Variants in MAGI1 observed in about 807,000 individuals in gnomAD.
The protein encoded by MAGI1 is membrane associated guanylate kinase, WW and PDZ domain containing 1.
Under a neutral mutation model 139.9 loss-of-function variants are expected in MAGI1, and 58 were observed. The observed-to-expected ratio is 0.41, with a 90% CI of 0.34 to 0.52. The LOEUF (loss-of-function observed/expected upper bound fraction) is 0.52, where lower values mean the gene tolerates loss of function less well. Ranked by LOEUF, MAGI1 falls within the 20% of genes least tolerant of loss-of-function variation. The pLI is 0.12. For synonymous variants in MAGI1, 812 were observed against 737.9 expected (o/e 1.10, Z -1.63); for missense variants, 1,874 against 1,901.6 (o/e 0.99, Z 0.27).
chr3:65,787,624 G>A (rs1016413485), intron 1 of MAGI1, among the ~76,000 whole-genome samples: 9 of 150,730 alleles, frequency 6.0e-5, no homozygotes, highest in Admixed American at 4.0e-4. Context: ...GGACTGCACC[G>A]CCTGGTAGGC....
At chr3:65,863,838 T>C (rs1026448785) in intron 1 of MAGI1, among the ~76,000 whole-genome samples, 2 of 152,188 alleles carry the variant, frequency 1.3e-5, no homozygotes, top group African/African-American at 4.8e-5. Flanking sequence ...CCTCTTTTCC[T>C]ACCCCAATTC....
intron 1 of MAGI1, among the ~76,000 whole-genome samples, chr3:66,028,066 A>C (rs531515633): frequency 1.2e-4 from 18 of 152,306 alleles, no homozygotes; most frequent in Non-Finnish European, 2.4e-4. Context: ...GCACTTTGGG[A>C]GGCCAAGGCA....
In MAGI1 at chr3:65,566,656, A is replaced by C. The variant is rs17073114; in HGVS notation, c.430+55316T>G. 7.7e-3 allele frequency among the ~76,000 whole-genome samples: 1,167 copies of C among 152,264 alleles called. 13 individuals carry two copies. Among genetic ancestry groups the C allele is most frequent in the African/African-American group, 0.026 (1,092 of 41,544 alleles). Reference sequence around the variant, plus strand: ...TTTGTTTGTTTGTTTTGGAATGTGGATCATATAATTGTGTCCAAGAGTTTA... The same window carrying C: ...TTTGTTTGTTTGTTTTGGAATGTGGCTCATATAATTGTGTCCAAGAGTTTA... On this transcript the variant is annotated intron_variant, in intron 2 of 22. Coordinates refer to ENST00000402939, the MANE Select transcript of MAGI1 (RefSeq NM_001033057.2).
rs147733022 is a variant in MAGI1 at position 65,467,012 on chromosome 3, T to C, written c.959+3271A>G. The stretch of plus-strand genomic sequence containing the variant: ...GAGCACGCTTTTATCAGGGCTTTAT[T>C]TGCCTCTATCTGTAGGCATTTCTGG... On this transcript the variant is annotated intron_variant, in intron 5 of 22. Transcript: ENST00000402939. Among the ~76,000 whole-genome samples the C allele has an allele frequency of 7.5e-3, 1,140 of 152,360 alleles. 17 individuals are homozygous for C. The highest frequency in any genetic ancestry group is 0.026 in the African/African-American group (1,082 of 41,588).
intron 10 of MAGI1, 63 bp downstream of exon 10, chr3:65,437,092 A>T: frequency 8.5e-7 from 1 of 1,174,470 alleles, no homozygotes; most frequent in Non-Finnish European, 1.2e-6. Flanking sequence ...TTTTCAAAAT[A>T]CCTTAAAAAA....
intron 1 of MAGI1, among the ~76,000 whole-genome samples, chr3:65,706,682 T>A (rs1238939176): frequency 6.6e-6 from 1 of 151,682 alleles, no homozygotes; most frequent in Non-Finnish European, 1.5e-5. Flanking sequence ...GGAGGGGAAA[T>A]GGAAATGCAA....
intron 1 of MAGI1, among the ~76,000 whole-genome samples, chr3:65,789,789 AC>A (rs1226370518): frequency 6.6e-6 from 1 of 151,992 alleles, no homozygotes; most frequent in African/African-American, 2.4e-5. Context: ...CTAGAAAAAA[AC>A]AAAACAAAAA....
intron 1 of MAGI1, among the ~76,000 whole-genome samples, chr3:65,969,142 C>T (rs1055918207): frequency 2.6e-5 from 4 of 152,172 alleles, no homozygotes; most frequent in African/African-American, 4.8e-5. Flanking sequence ...GTCTGGAGAA[C>T]AAGGGAAGTG....
At chr3:65,409,201 C>T (rs1945586595) in intron 12 of MAGI1, among the ~76,000 whole-genome samples, 1 of 152,170 alleles carries the variant, frequency 6.6e-6, no homozygotes, top group African/African-American at 2.4e-5. Flanking sequence ...CAGACATGGC[C>T]CCTGCCCTGG....
chr3:65,687,753 T>G (rs1418582669), intron 1 of MAGI1: 11 of 554,986 alleles, frequency 2.0e-5, no homozygotes, highest in Admixed American at 1.9e-4. Flanking sequence ...AGGATCCTTC[T>G]GAAGTTTTGA....
chr3:65,488,885 C>G (rs1266824423), intron 3 of MAGI1, among the ~76,000 whole-genome samples: 1 of 151,724 alleles, frequency 6.6e-6, no homozygotes, highest in East Asian at 2.0e-4. Flanking sequence ...GTTGCCCAGG[C>G]TGGTCGCGAG....
intron 10 of MAGI1, 54 bp downstream of exon 10, chr3:65,437,101 A>C (rs920244122): frequency 6.1e-6 from 8 of 1,307,324 alleles, no homozygotes; most frequent in South Asian, 5.3e-5. Context: ...TACCTTAAAA[A>C]AAATTAGATT....
At chr3:65,564,662 T>A (rs966200257) in intron 2 of MAGI1, among the ~76,000 whole-genome samples, 1 of 152,210 alleles carries the variant, frequency 6.6e-6, no homozygotes. Context: ...AGACACAGCC[T>A]CGTCTCATGT....
At chr3:65,727,971 G>A (rs2033795331) in intron 1 of MAGI1, among the ~76,000 whole-genome samples, 1 of 152,176 alleles carries the variant, frequency 6.6e-6, no homozygotes. Context: ...TGAGAAGAAA[G>A]TCAATTAGTA....
At chr3:65,966,753 G>C (rs2064766891) in intron 1 of MAGI1, among the ~76,000 whole-genome samples, 1 of 152,188 alleles carries the variant, frequency 6.6e-6, no homozygotes, top group African/African-American at 2.4e-5. Flanking sequence ...GCTTAAGGTG[G>C]TTTTGAAGAC....
chr3:65,511,766 G>A (rs1176418907), intron 2 of MAGI1, among the ~76,000 whole-genome samples: 44 of 148,240 alleles, frequency 3.0e-4, no homozygotes, highest in Non-Finnish European at 5.1e-4. Context: ...AGTCAACAAG[G>A]ATACCCAGGA....
chr3:66,034,695 C>T (rs545735748), intron 1 of MAGI1, among the ~76,000 whole-genome samples: 7 of 152,082 alleles, frequency 4.6e-5, no homozygotes, highest in Admixed American at 3.3e-4. Context: ...CATAAACAAG[C>T]AAAAGGACAA....
chr3:65,391,124 G>C lies in MAGI1; in HGVS notation c.2416+18C>G. On this transcript the variant is annotated intron_variant, in intron 14 of 22. Transcript: ENST00000402939. ...TGCGGAGGGGTCAGGGTAAGACAGAGGCCAGGATGCTACTCACGTCGGTTT... is the reference window on the plus strand; with the variant it reads ...TGCGGAGGGGTCAGGGTAAGACAGACGCCAGGATGCTACTCACGTCGGTTT... 1.9e-6 allele frequency: 3 copies of C among 1,610,314 alleles called. No homozygotes were observed. The highest frequency in any genetic ancestry group is 3.3e-4 in the Middle Eastern group (2 of 6,014).
At chr3:65,366,011 T>C (rs117006223) in intron 18 of MAGI1, among the ~76,000 whole-genome samples, 252 of 152,316 alleles carry the variant, frequency 1.7e-3, no homozygotes, top group East Asian at 0.013. Context: ...TGTTATTTTA[T>C]TTTCATGACA....
Sources: allele counts gnomAD v4.1 joint callset (sites outside exome capture counted in the v4.1 genomes callset), GRCh38; gene constraint gnomAD v4.1.1; transcripts MANE v1.5; gene names NCBI Gene and HGNC (gene_info 2026-07-23, HGNC 2026-07-21).